PIP4K2B: variants seen among roughly 807,000 people sequenced by gnomAD.
The protein encoded by PIP4K2B is phosphatidylinositol 5-phosphate 4-kinase type-2 beta.
PIP4K2B carries 3 observed loss-of-function variants against 42.0 expected under a neutral mutation model. The observed-to-expected ratio is 0.07, with a 90% CI of 0.03 to 0.18. The LOEUF (loss-of-function observed/expected upper bound fraction) is 0.18. Ranked by LOEUF, PIP4K2B falls within the 10% of genes least tolerant of loss-of-function variation. The probability of loss-of-function intolerance (pLI) is 1.00; values close to 1 mark genes in which losing one functional copy is unlikely to be tolerated. For synonymous variants in PIP4K2B, 204 were observed against 210.1 expected (o/e 0.97, Z 0.25); for missense variants, 332 against 562.3 (o/e 0.59, Z 4.14).
chr17:38,785,967 G>A (rs941026696), intron 2 of PIP4K2B, among the ~76,000 whole-genome samples: 1 of 152,172 alleles, frequency 6.6e-6, no homozygotes, highest in Non-Finnish European at 1.5e-5. Flanking sequence ...CACTTAACAG[G>A]TGGCAGCTAT....
At chr17:38,777,908 C>T in intron 6 of PIP4K2B, 108 bp from the exon 7 acceptor site, 1 of 795,738 alleles carries the variant, frequency 1.3e-6, no homozygotes, top group Non-Finnish European at 2.2e-6. Context: ...GAGGGGTTGT[C>T]AGTGTACCGA....
Position 38,767,369 on chromosome 17 carries a change from A to T in PIP4K2B, c.*2322T>A, listed in dbSNP as rs980819245. 6.7e-6 allele frequency: 1 copy of T among 150,146 alleles called. No individual in the cohort carries two copies. The highest frequency in any genetic ancestry group is 2.5e-5 in the African/African-American group (1 of 40,632). The allele number at this position is 150,146 out of a possible 1,614,324, so 9.3% of individuals were successfully genotyped here. A position where few individuals can be genotyped will look rare whatever the true frequency, so the allele number is the denominator to read the frequency against. ...GGGCCAAACTCAAGGTTTTGAAGAT[A>T]GCACAGCGAATGACCTTTAAAAAAA... On this transcript the variant is annotated 3_prime_UTR_variant, in exon 10 of 10. Coordinates refer to ENST00000619039, the MANE Select transcript of PIP4K2B (RefSeq NM_003559.5).
intron 1 of PIP4K2B, among the ~76,000 whole-genome samples, chr17:38,788,263 C>T (rs1207049616): frequency 2.0e-5 from 3 of 151,832 alleles, no homozygotes; most frequent in Admixed American, 6.6e-5. Context: ...TACAGTGGTG[C>T]GATCTCAGCT....
chr17:38,778,804 A>G lies in PIP4K2B; in HGVS notation c.655-432T>C, dbSNP rs12941280. Among the ~76,000 whole-genome samples, 178 of 152,308 alleles carry G rather than the reference A, an allele frequency of 1.2e-3. 1 individual carries two copies. Among genetic ancestry groups the G allele is most frequent in the African/African-American group, 3.8e-3 (160 of 41,564 alleles). ...TGGAAGTAGTATTTGGGCTGAGCTC[A>G]GAAGGGTAAGGAGGAAGCAATTAGG... On this transcript the variant is annotated intron_variant, in intron 5 of 9. Coordinates refer to ENST00000619039, the MANE Select transcript of PIP4K2B (RefSeq NM_003559.5).
At chr17:38,775,175 G>A (rs927925085) in intron 7 of PIP4K2B, among the ~76,000 whole-genome samples, 6 of 152,156 alleles carry the variant, frequency 3.9e-5, no homozygotes, top group South Asian at 4.2e-4. Flanking sequence ...GGATGGTCTC[G>A]ATCTCCTGAC....
Position 38,799,177 on chromosome 17 carries a change from G to T in PIP4K2B, c.159+89C>A, listed in dbSNP as rs1281248393. On this transcript the variant is annotated intron_variant, in intron 1 of 9. Transcript: ENST00000619039. The surrounding 1 kb of genome is among the most constrained non-coding windows in gnomAD (Gnocchi z 4.4). Reference sequence around the variant, plus strand: ...TTGGCGAGGGGTGGCAGGCGTCACCGGCAGGGCCTGCGGGGCAAGGGCCCA... The same window carrying T: ...TTGGCGAGGGGTGGCAGGCGTCACCTGCAGGGCCTGCGGGGCAAGGGCCCA... 7.9e-5 allele frequency: 108 copies of T among 1,361,986 alleles called. No homozygotes were observed. The highest frequency in any genetic ancestry group is 8.8e-5 in the Non-Finnish European group (91 of 1,038,438). 84.4% of individuals were successfully genotyped at this position (1,361,986 alleles called of 1,614,324 possible).
intron 1 of PIP4K2B, among the ~76,000 whole-genome samples, chr17:38,789,900 C>T (rs1289437997): frequency 1.3e-5 from 2 of 152,002 alleles, no homozygotes; most frequent in East Asian, 1.9e-4. Flanking sequence ...TGAAATTCTA[C>T]AGCAGGCATC....
intron 1 of PIP4K2B, among the ~76,000 whole-genome samples, chr17:38,795,952 G>A (rs949073577): frequency 1.8e-4 from 27 of 151,884 alleles, no homozygotes; most frequent in African/African-American, 4.6e-4. Flanking sequence ...AAGCCTGGCC[G>A]ACATGGTGAA....
At position 38,769,504 on chromosome 17, in the gene PIP4K2B, C is replaced by T; in HGVS notation, c.*187G>A. 3.2e-6 allele frequency: 2 copies of T among 623,094 alleles called. No individual in the cohort carries two copies. Among genetic ancestry groups the T allele is most frequent in the South Asian group, 3.7e-5 (2 of 53,534 alleles). 38.6% of individuals were successfully genotyped at this position (623,094 alleles called of 1,614,324 possible). A position where few individuals can be genotyped will look rare whatever the true frequency, so the allele number is the denominator to read the frequency against. ...TACATCCTGTGAGCAGGTGCACACA[C>T]AGCACATCCCCCTCCTCTTCAGCTA... On this transcript the variant is annotated 3_prime_UTR_variant, in exon 10 of 10. Transcript: ENST00000619039.
At chr17:38,793,246 CTT>C (rs67325199) in intron 1 of PIP4K2B, among the ~76,000 whole-genome samples, 22 of 128,016 alleles carry the variant, frequency 1.7e-4, no homozygotes, top group Admixed American at 3.2e-4. Flanking sequence ...AAGATTTTTT[CTT>C]TTTTTTTTTT....
chr17:38,769,915 C>A (rs1908913323), intron 9 of PIP4K2B, 144 bp from the exon 10 acceptor site: 5 of 710,724 alleles, frequency 7.0e-6, no homozygotes, highest in Non-Finnish European at 1.2e-5. Context: ...ACTGAGCAGA[C>A]CACCTCAGGA....
At chr17:38,781,674 G>A (rs1417144689) in intron 3 of PIP4K2B, among the ~76,000 whole-genome samples, 1 of 150,704 alleles carries the variant, frequency 6.6e-6, no homozygotes, top group Non-Finnish European at 1.5e-5. Flanking sequence ...GCACCAACAT[G>A]CCCGGCTTAT....
intron 1 of PIP4K2B, among the ~76,000 whole-genome samples, chr17:38,791,661 G>A (rs538645290): frequency 5.3e-5 from 8 of 149,912 alleles, no homozygotes; most frequent in Non-Finnish European, 1.2e-4. Context: ...CACCTGCCTC[G>A]GCCTCCCAAA....
At chr17:38,774,217 T>G (rs1165789476) in intron 7 of PIP4K2B, among the ~76,000 whole-genome samples, 1 of 152,174 alleles carries the variant, frequency 6.6e-6, no homozygotes, top group Non-Finnish European at 1.5e-5. Flanking sequence ...CTGTGAGGGT[T>G]TCTGGGTGAA....
At chr17:38,785,226 T>C (rs572719367) in intron 2 of PIP4K2B, among the ~76,000 whole-genome samples, 2 of 152,330 alleles carry the variant, frequency 1.3e-5, no homozygotes, top group East Asian at 1.9e-4. Flanking sequence ...ACAGCTATCC[T>C]GTTTAGGGAC....
chr17:38,772,261 G>T (rs973119397), intron 7 of PIP4K2B, among the ~76,000 whole-genome samples: 4 of 152,184 alleles, frequency 2.6e-5, no homozygotes, highest in Admixed American at 6.5e-5. Context: ...GTCAACTACA[G>T]TCCAAAAATA....
At position 38,780,586 on chromosome 17, in the gene PIP4K2B, C is replaced by G. The variant is rs1909645039; in HGVS notation, c.373G>C (p.Ala125Pro). Residue 125 changes from alanine to proline, a missense_variant, in exon 4 of 10, where the codon GCC becomes CCC. Physicochemically the swap from Ala to Pro is conservative, Grantham distance 27. Coordinates refer to ENST00000619039, the MANE Select transcript of PIP4K2B (RefSeq NM_003559.5). Reference sequence around the variant, plus strand: ...CCCTGGCTGTCACTGTTGATGGGGGCGCTGCGCGTCACTGAATTCTGATAA... The same window carrying G: ...CCCTGGCTGTCACTGTTGATGGGGGGGCTGCGCGTCACTGAATTCTGATAA... ...QDYQNSVTRS[A>P]PINSDSQGRC... 1 of 1,611,156 alleles carries G rather than the reference C, an allele frequency of 6.2e-7. No homozygotes were observed. The highest frequency in any genetic ancestry group is 1.3e-5 in the African/African-American group (1 of 74,884).
chr17:38,777,220 C>G (rs571289388), intron 7 of PIP4K2B, among the ~76,000 whole-genome samples: 1 of 152,102 alleles, frequency 6.6e-6, no homozygotes, highest in Non-Finnish European at 1.5e-5. Context: ...TGTGCCCCTA[C>G]GCCTGGCTAA....
rs1264580701 is a variant in PIP4K2B, at chr17:38,769,042, C to G, written c.*649G>C. On this transcript the variant is annotated 3_prime_UTR_variant, in exon 10 of 10. Coordinates refer to ENST00000619039, the MANE Select transcript of PIP4K2B (RefSeq NM_003559.5). Reference sequence around the variant, plus strand: ...TGGTGTTGACCTGGTGTATTCCAGACAGGATGGAGGAATAATGCAACAGTT... The same window carrying G: ...TGGTGTTGACCTGGTGTATTCCAGAGAGGATGGAGGAATAATGCAACAGTT... The G allele has an allele frequency of 3.9e-5, 6 of 152,698 alleles. No homozygotes were observed. The allele number at this position is 152,698 out of a possible 1,614,324, so 9.5% of individuals were successfully genotyped here.
Sources: allele counts gnomAD v4.1 joint callset (sites outside exome capture counted in the v4.1 genomes callset), GRCh38; gene constraint gnomAD v4.1.1; non-coding constraint Gnocchi (gnomAD v3.1); transcripts MANE v1.5; gene names NCBI Gene and HGNC (gene_info 2026-07-23, HGNC 2026-07-21).